The following SLC5A8 variants were observed in gnomAD, a reference collection of about 807,000 sequenced individuals.
SLC5A8 encodes the protein solute carrier family 5 member 8, also known as sodium-coupled monocarboxylate transporter 1.
Under a neutral mutation model 71.9 loss-of-function variants are expected in SLC5A8, and 55 were observed. That is an observed-to-expected ratio of 0.77 (90% CI 0.62 to 0.96). SLC5A8 has a LOEUF of 0.96. Among genes scored for constraint, SLC5A8 ranks in the 40% least tolerant of loss-of-function variants. The pLI is 0.00. For missense variants in SLC5A8, 701 were observed against 745.3 expected, an observed-to-expected ratio of 0.94 and a Z score of 0.69; for synonymous variants, 307 against 276.1, an observed-to-expected ratio of 1.11 and a Z score of -1.11.
chr12:101,208,083 T>C (rs529255693), intron 1 of SLC5A8, among the ~76,000 whole-genome samples: 8 of 152,016 alleles, frequency 5.3e-5, no homozygotes, highest in African/African-American at 1.9e-4. Context: ...TTATTTCTTC[T>C]CACTATAAGG....
At chr12:101,188,265 T>C (rs562841999) in intron 6 of SLC5A8, among the ~76,000 whole-genome samples, 2 of 152,330 alleles carry the variant, frequency 1.3e-5, no homozygotes, top group African/African-American at 4.8e-5. Context: ...TTACACATAA[T>C]AAACCCCTGT....
At chr12:101,166,029 C>T (rs2051766679) in intron 12 of SLC5A8, among the ~76,000 whole-genome samples, 1 of 152,178 alleles carries the variant, frequency 6.6e-6, no homozygotes, top group Non-Finnish European at 1.5e-5. Flanking sequence ...GCTGCAATCA[C>T]TTCTAATGCT....
At chr12:101,169,522 A>G (rs937999020) in intron 10 of SLC5A8, among the ~76,000 whole-genome samples, 1 of 152,156 alleles carries the variant, frequency 6.6e-6, no homozygotes, top group Admixed American at 6.5e-5. Context: ...CTATTTTACA[A>G]CTGCTATGTC....
chr12:101,208,469 T>C (rs926039006), intron 1 of SLC5A8, among the ~76,000 whole-genome samples: 17 of 152,278 alleles, frequency 1.1e-4, no homozygotes, highest in Admixed American at 1.0e-3. Context: ...GGACCAGTGC[T>C]GGGTGAGGGA....
chr12:101,195,233 A>G, intron 3 of SLC5A8, 71 bp from the exon 4 acceptor site: 1 of 1,516,692 alleles, frequency 6.6e-7, no homozygotes, highest in South Asian at 1.2e-5. Flanking sequence ...AAAAATCATC[A>G]GAGAAGGAAG....
chr12:101,158,230 T>G lies in SLC5A8; in HGVS notation c.1710+19A>C. On this transcript the variant is annotated intron_variant, in intron 14 of 14. Coordinates refer to ENST00000536262, the MANE Select transcript of SLC5A8 (RefSeq NM_145913.5). Reference sequence around the variant, plus strand: ...TAAAGCCCAGTTTCCTAACTCAAGGTAAATGAAAGCCAACTCACTTTCTTA... The same window carrying G: ...TAAAGCCCAGTTTCCTAACTCAAGGGAAATGAAAGCCAACTCACTTTCTTA... The G allele has an allele frequency of 2.0e-6, 3 of 1,532,022 alleles. No homozygotes were observed. The highest frequency in any genetic ancestry group is 2.7e-6 in the Non-Finnish European group (3 of 1,112,478). The allele number at this position is 1,532,022 out of a possible 1,614,324, so 94.9% of individuals were successfully genotyped here. A position where few individuals can be genotyped will look rare whatever the true frequency, so the allele number is the denominator to read the frequency against.
In SLC5A8 at chr12:101,210,013, G is replaced by A; in HGVS notation, c.-165C>T. 1.7e-6 allele frequency: 1 copy of A among 589,166 alleles called. No individual in the cohort carries two copies. Among genetic ancestry groups the A allele is most frequent in the Non-Finnish European group, 2.8e-6 (1 of 360,318 alleles). 36.5% of individuals were successfully genotyped at this position (589,166 alleles called of 1,614,324 possible). ...CGGCCTCCGAACGCACCCCGAGGCGGGGTGAGGGCTGGCAGTCGCCCCTGC... is the reference window on the plus strand; with the variant it reads ...CGGCCTCCGAACGCACCCCGAGGCGAGGTGAGGGCTGGCAGTCGCCCCTGC... On this transcript the variant is annotated 5_prime_UTR_variant, in exon 1 of 15. Transcript: ENST00000536262.
At chr12:101,184,297 G>C in intron 7 of SLC5A8, 75 bp from the exon 8 acceptor site, 1 of 1,237,230 alleles carries the variant, frequency 8.1e-7, no homozygotes, top group Non-Finnish European at 1.2e-6. Context: ...TTTATCATTT[G>C]TCTTGTCTCC....
intron 3 of SLC5A8, among the ~76,000 whole-genome samples, chr12:101,196,090 T>C (rs951033624): frequency 6.6e-6 from 1 of 152,138 alleles, no homozygotes. Flanking sequence ...GTACAGATTA[T>C]TTCATCACCC....
At chr12:101,165,089 G>A (rs907402097) in intron 12 of SLC5A8, among the ~76,000 whole-genome samples, 2 of 152,132 alleles carry the variant, frequency 1.3e-5, no homozygotes, top group Non-Finnish European at 2.9e-5. Context: ...TTTTCTGGAA[G>A]GCAGGAAACA....
At position 101,193,619 on chromosome 12, in the gene SLC5A8, A is replaced by T; in HGVS notation, c.692+6T>A. On this transcript the variant is annotated splice_donor_region_variant and intron_variant, in intron 5 of 14. Coordinates refer to ENST00000536262, the MANE Select transcript of SLC5A8 (RefSeq NM_145913.5). Reference sequence around the variant, plus strand: ...GTGTTCAGTTACCCAAGTACTAGACACTTACTTCCAGAAATTTAATCTTCC... The same window carrying T: ...GTGTTCAGTTACCCAAGTACTAGACTCTTACTTCCAGAAATTTAATCTTCC... 1 of 1,612,772 alleles carries T rather than the reference A, an allele frequency of 6.2e-7. No homozygotes were observed.
chr12:101,186,587 T>C (rs1370337141), intron 7 of SLC5A8, among the ~76,000 whole-genome samples: 1 of 152,190 alleles, frequency 6.6e-6, no homozygotes, highest in African/African-American at 2.4e-5. Context: ...AGGACTCTGG[T>C]GGCAGCTTGC....
intron 10 of SLC5A8, among the ~76,000 whole-genome samples, chr12:101,168,789 G>A (rs565968274): frequency 6.4e-4 from 97 of 152,264 alleles, no homozygotes; most frequent in Admixed American, 1.3e-3. Flanking sequence ...TGCAAACATC[G>A]CATGAGGCAA....
Position 101,209,489 on chromosome 12 carries a change from G to T in SLC5A8, c.351+9C>A. The T allele has an allele frequency of 1.2e-5, 18 of 1,506,824 alleles. No homozygotes were observed. The highest frequency in any genetic ancestry group is 1.5e-5 in the Non-Finnish European group (17 of 1,098,820). The allele number at this position is 1,506,824 out of a possible 1,614,324, so 93.3% of individuals were successfully genotyped here. The stretch of plus-strand genomic sequence containing the variant: ...GCCCTGCATGGTCCCAGCCCACCCT[G>T]CCCCTTACCTCGTAGGTGCTGGTAA... On this transcript the variant is annotated intron_variant, in intron 1 of 14. Transcript: ENST00000536262.
intron 10 of SLC5A8, among the ~76,000 whole-genome samples, chr12:101,177,477 ACG>A (rs1049597150): frequency 0.022 from 3,368 of 150,814 alleles, 115 homozygotes; most frequent in African/African-American, 0.077. Context: ...ACACACACAC[ACG>A]CATGCATGCA....
At chr12:101,174,901 C>A (rs1391771397) in intron 10 of SLC5A8, among the ~76,000 whole-genome samples, 1 of 151,992 alleles carries the variant, frequency 6.6e-6, no homozygotes, top group Non-Finnish European at 1.5e-5. Context: ...ATTGAAATGC[C>A]CAGGTTTCAA....
chr12:101,194,198 T>C (rs749520963), intron 4 of SLC5A8, among the ~76,000 whole-genome samples: 1 of 152,192 alleles, frequency 6.6e-6, no homozygotes, highest in Non-Finnish European at 1.5e-5. Flanking sequence ...ACTCAGATGG[T>C]CATTTCCACT....
At chr12:101,160,665 A>G (rs1231233973) in intron 13 of SLC5A8, among the ~76,000 whole-genome samples, 5 of 152,198 alleles carry the variant, frequency 3.3e-5, no homozygotes, top group Non-Finnish European at 7.3e-5. Flanking sequence ...CACCTGGGTT[A>G]CTGCAATAGC....
chr12:101,173,176 A>G (rs1158903766), intron 10 of SLC5A8, among the ~76,000 whole-genome samples: 1 of 152,230 alleles, frequency 6.6e-6, no homozygotes, highest in East Asian at 1.9e-4. Flanking sequence ...TATTATCTTT[A>G]AAGATAGCCG....
Sources: gnomAD v4.1 joint callset for allele counts (sites outside exome capture counted in the v4.1 genomes callset) on GRCh38, gnomAD v4.1.1 for gene constraint, MANE v1.5 for transcripts, NCBI Gene and HGNC (gene_info 2026-07-23, HGNC 2026-07-21) for gene names.